Variants in UPF3A observed in about 807,000 individuals in gnomAD.
The protein encoded by UPF3A is UPF3A regulator of nonsense mediated mRNA decay, also known as regulator of nonsense transcripts 3A.
In UPF3A, 42 loss-of-function variants were observed where a neutral mutation model predicts 53.5. The observed-to-expected ratio is 0.78, with a 90% CI of 0.61 to 1.01. The LOEUF is 1.01. UPF3A is among the 50% of genes least tolerant of loss of function. The pLI is 0.00. For missense variants in UPF3A, 575 were observed against 598.0 expected (o/e 0.96, Z 0.40); for synonymous variants, 237 against 225.3 (o/e 1.05, Z -0.47).
chr13:114,281,734 A>G lies in UPF3A; in HGVS notation c.95A>G (p.Gln32Arg). Residue 32 changes from glutamine (Q) to arginine (R), a missense_variant, in exon 1 of 10, where the codon CAG becomes CGG. Transcript: ENST00000375299. ...GREKLSALEV[Q>R]FHRDSQQQEA... Reference sequence around the variant, plus strand: ...GAGAAGCTGTCGGCCCTAGAAGTGCAGTTCCACCGCGACTCGCAGCAGCAG... The same window carrying G: ...GAGAAGCTGTCGGCCCTAGAAGTGCGGTTCCACCGCGACTCGCAGCAGCAG... The G allele has an allele frequency of 6.4e-7, 1 of 1,557,712 alleles. No homozygotes were observed. Among genetic ancestry groups the G allele is most frequent in the Non-Finnish European group, 8.7e-7 (1 of 1,151,800 alleles).
chr13:114,302,456 C>T (rs1329077255), intron 9 of UPF3A, among the ~76,000 whole-genome samples: 1 of 152,012 alleles, frequency 6.6e-6, no homozygotes, highest in Non-Finnish European at 1.5e-5. Flanking sequence ...TGTGGTTACC[C>T]CCTTAGCCAA....
chr13:114,291,631 T>G lies in UPF3A; in HGVS notation c.688-3T>G. On this transcript the variant is annotated splice_region_variant and splice_polypyrimidine_tract_variant and intron_variant, in intron 6 of 9. Coordinates refer to ENST00000375299, the MANE Select transcript of UPF3A (RefSeq NM_023011.4). The stretch of plus-strand genomic sequence containing the variant: ...TTATACACACGCTCTTCCATGTCTT[T>G]AGAGAATTCGAGAAGAGAAGCGAGA... The G allele has an allele frequency of 6.2e-7, 1 of 1,604,086 alleles. No homozygotes were observed. Among genetic ancestry groups the G allele is most frequent in the East Asian group, 2.2e-5 (1 of 44,836 alleles).
At chr13:114,282,628 G>A in intron 2 of UPF3A, 1 of 985,344 alleles carries the variant, frequency 1.0e-6, no homozygotes, top group Non-Finnish European at 1.2e-6. Flanking sequence ...TCTGGGCAGT[G>A]GAGAAGGGAC....
rs74116896 is a variant in UPF3A, at chr13:114,304,677, A to G, written c.1303-112A>G. ...AAAAAGGGCTGATTTTTAGCTGCCTAGTTGATTTTCTTTGGACAATTCATA... is the reference window on the plus strand; with the variant it reads ...AAAAAGGGCTGATTTTTAGCTGCCTGGTTGATTTTCTTTGGACAATTCATA... On this transcript the variant is annotated intron_variant, in intron 9 of 9. Transcript: ENST00000375299. 5.3e-3 allele frequency: 7,541 copies of G among 1,425,016 alleles called. 353 individuals are homozygous for G. In the African/African-American group the frequency reaches 0.097, roughly 18 times the overall value. The allele number at this position is 1,425,016 out of a possible 1,614,324, so 88.3% of individuals were successfully genotyped here.
In UPF3A at chr13:114,281,838, C is replaced by T; in HGVS notation, c.199C>T (p.Leu67=). 6.5e-7 allele frequency: 1 copy of T among 1,529,866 alleles called. No individual in the cohort carries two copies. The highest frequency in any genetic ancestry group is 1.4e-5 in the African/African-American group (1 of 70,992). 94.8% of individuals were successfully genotyped at this position (1,529,866 alleles called of 1,614,324 possible). Residue 67 remains leucine, a synonymous_variant, in exon 1 of 10, where the codon CTG becomes TTG. Coordinates refer to ENST00000375299, the MANE Select transcript of UPF3A (RefSeq NM_023011.4). ...ACCTCGCGAGGAGAAGAGGACGGCC[C>T]TGAGCAAGGTGGGGACGGGGGCGGG... The part of the protein sequence containing the change: ...GKPREEKRTA[L]SKVVIRRLPP...
At chr13:114,295,372 G>A (rs9525315) in intron 7 of UPF3A, among the ~76,000 whole-genome samples, 1 of 69,148 alleles carries the variant, frequency 1.4e-5, no homozygotes, top group South Asian at 5.0e-4. Context: ...CGGCTCTGGC[G>A]TGCTCCCCAG....
chr13:114,283,704 G>A (rs1181717495), intron 3 of UPF3A: 2 of 965,642 alleles, frequency 2.1e-6, no homozygotes, highest in South Asian at 4.8e-5. Context: ...GGAGACAGCA[G>A]TCTTCAACTC....
intron 5 of UPF3A, among the ~76,000 whole-genome samples, chr13:114,290,734 CTTTTTTTTTT>C (rs112441605): frequency 2.2e-5 from 3 of 138,424 alleles, no homozygotes; most frequent in African/African-American, 8.0e-5. Context: ...TCTTTTTTTT[CTTTTTTTTTT>C]TTTTTTGAGG....
intron 7 of UPF3A, among the ~76,000 whole-genome samples, chr13:114,297,516 AT>A (rs2086164702): frequency 6.6e-6 from 1 of 152,186 alleles, no homozygotes; most frequent in African/African-American, 2.4e-5. Flanking sequence ...AAATAAAGTC[AT>A]TTCAGTTCTG....
intron 1 of UPF3A, 51 bp downstream of exon 1, chr13:114,281,897 A>AGCAAG: frequency 1.3e-5 from 9 of 719,496 alleles, no homozygotes; most frequent in Non-Finnish European, 1.9e-5. Context: ...GACGGCCCTG[A>AGCAAG]GTGGAGGGAG....
intron 4 of UPF3A, 47 bp from the exon 5 acceptor site, chr13:114,286,472 A>C (rs751098859): frequency 1.2e-6 from 2 of 1,611,088 alleles, no homozygotes; most frequent in Non-Finnish European, 1.7e-6. Flanking sequence ...ATTCTCCCGT[A>C]GTTGGGAAAG....
At chr13:114,282,202 C>A (rs945025108) in intron 2 of UPF3A, 75 bp downstream of exon 2, 7 of 1,256,882 alleles carry the variant, frequency 5.6e-6, no homozygotes, top group African/African-American at 4.5e-5. Context: ...CGTTGCCTTA[C>A]GTTCCTTACC....
At position 114,281,669 on chromosome 13, in the gene UPF3A, C is replaced by A; in HGVS notation, c.30C>A (p.Gly10=). The change falls in exon 1 of 10, where the codon GGC becomes GGA. Residue 10 remains glycine (G), a synonymous_variant. Coordinates refer to ENST00000375299, the MANE Select transcript of UPF3A (RefSeq NM_023011.4). MRSEKEGAG[G]LRAAVAARGP... The stretch of plus-strand genomic sequence containing the variant: ...GCTCGGAAAAGGAGGGGGCCGGAGG[C>A]CTTCGGGCGGCCGTTGCCGCGCGGG... 1 of 1,526,420 alleles carries A rather than the reference C, an allele frequency of 6.6e-7. No homozygotes were observed. The highest frequency in any genetic ancestry group is 8.8e-7 in the Non-Finnish European group (1 of 1,138,206). 94.6% of individuals were successfully genotyped at this position (1,526,420 alleles called of 1,614,324 possible).
chr13:114,294,442 T>C (rs1040169680), intron 7 of UPF3A, among the ~76,000 whole-genome samples: 1 of 151,986 alleles, frequency 6.6e-6, no homozygotes, highest in African/African-American at 2.4e-5. Context: ...AAAAAAAAAT[T>C]TGTAGAAGTG....
intron 3 of UPF3A, chr13:114,284,988 GATGTCAT>G (rs1301979958): frequency 6.6e-6 from 1 of 152,242 alleles, no homozygotes; most frequent in Non-Finnish European, 1.5e-5. Context: ...CTGTGCTTTT[GATGTCAT>G]ATGCAACCCA....
In UPF3A at chr13:114,295,029, A is replaced by G. The variant is rs543462185; in HGVS notation, c.846+3237A>G. 1.2e-3 allele frequency among the ~76,000 whole-genome samples: 166 copies of G among 142,648 alleles called. 2 individuals carry two copies. Among genetic ancestry groups the G allele is most frequent in the Middle Eastern group, 4.0e-3 (1 of 248 alleles). The allele number at this position is 142,648 out of a possible 152,430, so 93.6% of individuals were successfully genotyped here. ...TGGAAGGCTGAGGCAGGAGAATGGC[A>G]TGAACCCGGGAGGCGGAGCTTGCAG... On this transcript the variant is annotated intron_variant, in intron 7 of 9. Transcript: ENST00000375299.
intron 8 of UPF3A, among the ~76,000 whole-genome samples, chr13:114,300,092 G>A (rs74116887): frequency 0.028 from 4,268 of 152,322 alleles, 209 homozygotes; most frequent in African/African-American, 0.098. Context: ...AGGACCTACT[G>A]CCACGTGTCT....
chr13:114,301,703 GTTGCTGATCATT>G lies in UPF3A; in HGVS notation c.1008-26_1008-15del. ...GGCAGCCAACCGGCGGTTTACTGCA[GTTGCTGATCATT>G]TGTGTTGAATCATAGGTCACACAGC... On this transcript the variant is annotated splice_polypyrimidine_tract_variant and intron_variant, in intron 8 of 9. Coordinates refer to ENST00000375299, the MANE Select transcript of UPF3A (RefSeq NM_023011.4). 1 of 1,592,540 alleles carries G rather than the reference GTTGCTGATCATT, an allele frequency of 6.3e-7. No individual in the cohort carries two copies. Among genetic ancestry groups the G allele is most frequent in the South Asian group, 1.1e-5 (1 of 88,694 alleles).
chr13:114,293,455 G>C (rs72488214), intron 7 of UPF3A, among the ~76,000 whole-genome samples: 6 of 152,176 alleles, frequency 3.9e-5, no homozygotes, highest in African/African-American at 1.4e-4. Context: ...CTGTGTGAAG[G>C]CTGACTCAGA....
Sources: gnomAD v4.1 joint callset for allele counts (sites outside exome capture counted in the v4.1 genomes callset) on GRCh38, gnomAD v4.1.1 for gene constraint, MANE v1.5 for transcripts, NCBI Gene and HGNC (gene_info 2026-07-23, HGNC 2026-07-21) for gene names.